LILRB1: variants seen among roughly 807,000 people sequenced by gnomAD.
LILRB1 encodes the protein leukocyte immunoglobulin-like receptor subfamily B member 1.
Under a neutral mutation model 74.6 loss-of-function variants are expected in LILRB1, and 59 were observed. The ratio of observed to expected loss-of-function variants is 0.79; its 90% CI spans 0.64 to 0.98. LILRB1 has a LOEUF of 0.98. Among genes scored for constraint, LILRB1 ranks in the 50% least tolerant of loss-of-function variants. The pLI is 0.00. For missense variants in LILRB1, 804 were observed against 822.6 expected (o/e 0.98, Z 0.28); for synonymous variants, 328 against 333.9 (o/e 0.98, Z 0.19).
chr19:54,617,607 AG>A (rs1262342193), intron 1 of LILRB1, among the ~76,000 whole-genome samples: 1 of 147,046 alleles, frequency 6.8e-6, no homozygotes, highest in Non-Finnish European at 1.5e-5. Context: ...TGTGTTTAAA[AG>A]CCTTTATGAT....
chr19:54,624,694 G>GT, intron 1 of LILRB1, among the ~76,000 whole-genome samples: 1 of 152,298 alleles, frequency 6.6e-6, no homozygotes, highest in Middle Eastern at 3.4e-3. Flanking sequence ...GACAGCGTGT[G>GT]TGAGTCCTGA....
rs1165870442 is a variant in LILRB1 at position 54,636,940 on chromosome 19, C to G, written c.*62C>G. On this transcript the variant is annotated 3_prime_UTR_variant, in exon 15 of 15. Transcript: ENST00000324602. The stretch of plus-strand genomic sequence containing the variant: ...CTGGAATGCATGGGAGCTGCCCCCC[C>G]AGTGGACACCATTGGACCCCACCCA... The G allele has an allele frequency of 3.7e-6, 6 of 1,601,996 alleles. No homozygotes were observed. The highest frequency in any genetic ancestry group is 2.2e-5 in the South Asian group (2 of 89,268).
At position 54,636,906 on chromosome 19, in the gene LILRB1, C is replaced by A. The variant is rs2064496355; in HGVS notation, c.*28C>A. The A allele has an allele frequency of 6.2e-7, 1 of 1,612,962 alleles. No homozygotes were observed. Among genetic ancestry groups the A allele is most frequent in the Non-Finnish European group, 8.5e-7 (1 of 1,179,140 alleles). On this transcript the variant is annotated 3_prime_UTR_variant, in exon 15 of 15. Coordinates refer to ENST00000324602, the MANE Select transcript of LILRB1 (RefSeq NM_001081637.3). ...CAGGGGGGGACGCAGACCCCACACT[C>A]CATGGAGTCTGGAATGCATGGGAGC...
intron 1 of LILRB1, among the ~76,000 whole-genome samples, chr19:54,621,744 A>C (rs1600314344): frequency 6.6e-6 from 1 of 152,052 alleles, no homozygotes; most frequent in East Asian, 1.9e-4. Context: ...AAGGGTCTTT[A>C]CCATAAGTTC....
chr19:54,633,049 A>C lies in LILRB1; in HGVS notation c.992A>C (p.Gln331Pro), dbSNP rs1334566399. The C allele has an allele frequency of 1.4e-6, 2 of 1,397,658 alleles. No individual in the cohort carries two copies. The highest frequency in any genetic ancestry group is 4.7e-5 in the East Asian group (2 of 42,940). 86.6% of individuals were successfully genotyped at this position (1,397,658 alleles called of 1,614,324 possible). Residue 331 changes from glutamine (Q) to proline (P), a missense_variant, in exon 7 of 15, where the codon CAG becomes CCG. By Grantham distance (76) the Gln-to-Pro change is moderately conservative. Transcript: ENST00000324602. ...TATGACAGAGTCTCCCTCTCGGTGC[A>C]GCCGGGCCCCACGGTGGCCTCAGGA... is the stretch of plus-strand genomic sequence containing the variant. ...QFYDRVSLSVQPGPTVASGEN... is the reference protein window; with the variant it reads ...QFYDRVSLSVPPGPTVASGEN...
At chr19:54,630,946 G>A (rs1276039710) in intron 1 of LILRB1, 80 bp from the exon 2 acceptor site, 1 of 1,609,766 alleles carries the variant, frequency 6.2e-7, no homozygotes, top group Non-Finnish European at 8.5e-7. Context: ...TTCCTGTGTG[G>A]CTGCAGATGA....
chr19:54,632,696 C>T lies in LILRB1; in HGVS notation c.894C>T (p.Tyr298=), dbSNP rs74906426. Reference sequence around the variant, plus strand: ...CCTACGGGGGCCAGTACAGATGCTACGGTGCACACAACCTCTCCTCCGAGT... The same window carrying T: ...CCTACGGGGGCCAGTACAGATGCTATGGTGCACACAACCTCTCCTCCGAGT... ...SRSYGGQYRC[Y]GAHNLSSEWS... Residue 298 remains tyrosine (Y), a synonymous_variant, in exon 6 of 15, where the codon TAC becomes TAT. Coordinates refer to ENST00000324602, the MANE Select transcript of LILRB1 (RefSeq NM_001081637.3). 237 of 1,612,940 alleles carry T rather than the reference C, an allele frequency of 1.5e-4. No homozygotes were observed. The highest frequency in any genetic ancestry group is 2.7e-4 in the East Asian group (12 of 44,872).
chr19:54,618,100 CAA>C (rs1202106742), intron 1 of LILRB1, among the ~76,000 whole-genome samples: 11 of 78,114 alleles, frequency 1.4e-4, no homozygotes, highest in Non-Finnish European at 1.9e-4. Flanking sequence ...GCCCCTGCCT[CAA>C]AAAAAAAAAA....
upstream of LILRB1, among the ~76,000 whole-genome samples, chr19:54,626,416 G>A (rs529698144): frequency 1.2e-4 from 18 of 151,888 alleles, no homozygotes; most frequent in South Asian, 2.1e-4. Flanking sequence ...ACTGAATAAC[G>A]TACTCCTTAT....
chr19:54,622,487 A>G (rs1474578566), intron 1 of LILRB1, among the ~76,000 whole-genome samples: 1 of 152,194 alleles, frequency 6.6e-6, no homozygotes, highest in Non-Finnish European at 1.5e-5. Context: ...GTACTGATGT[A>G]TAGAAAAGCT....
At chr19:54,629,249 G>A (rs184688673), upstream of LILRB1, among the ~76,000 whole-genome samples, 87 of 151,796 alleles carry the variant, frequency 5.7e-4, no homozygotes, top group Non-Finnish European at 1.1e-3. Context: ...GCTGGAGTAC[G>A]AGCAGGTGTT....
In LILRB1 at chr19:54,630,650, A is replaced by G. The variant is rs3760861; in HGVS notation, c.-49+17A>G. 0.71 allele frequency: 577,349 copies of G among 818,234 alleles called. 201,033 individuals are homozygous for G. Among genetic ancestry groups the G allele is most frequent in the Non-Finnish European group, 0.75 (388,333 of 514,930 alleles). The allele number at this position is 818,234 out of a possible 1,614,324, so 50.7% of individuals were successfully genotyped here. A position where few individuals can be genotyped will look rare whatever the true frequency, so the allele number is the denominator to read the frequency against. On this transcript the variant is annotated intron_variant, in intron 1 of 14. Transcript: ENST00000324602. ...ACTGCCATGGTAAGGACCCCACAAC[A>G]CTGAGCTGATGGACGGCTGAAGGAG...
At chr19:54,631,186 C>A (rs1600353393) in intron 2 of LILRB1, 79 bp downstream of exon 2, 2 of 1,613,978 alleles carry the variant, frequency 1.2e-6, no homozygotes, top group East Asian at 2.2e-5. Context: ...CCTAAGGAGA[C>A]CCCAGGGGCT....
rs369798260 is a variant in LILRB1 at position 54,635,250 on chromosome 19, T to A, written c.1563-9T>A. Reference sequence around the variant, plus strand: ...TACACTGCCCCTAAAGCTCCCATTCTTCCCCCAGGTCCAGCCCAGCTGCCG... The same window carrying A: ...TACACTGCCCCTAAAGCTCCCATTCATCCCCCAGGTCCAGCCCAGCTGCCG... On this transcript the variant is annotated splice_polypyrimidine_tract_variant and intron_variant, in intron 11 of 14. Coordinates refer to ENST00000324602, the MANE Select transcript of LILRB1 (RefSeq NM_001081637.3). The A allele has an allele frequency of 8.8e-6, 14 of 1,591,580 alleles. No individual in the cohort carries two copies. The African/African-American group carries it at 1.1e-4, about 12-fold the overall frequency.
chr19:54,628,929 G>A (rs2063673851), upstream of LILRB1, among the ~76,000 whole-genome samples: 1 of 152,162 alleles, frequency 6.6e-6, no homozygotes, highest in African/African-American at 2.4e-5. Flanking sequence ...TGTAACAAGG[G>A]CTATGGAGCT....
upstream of LILRB1, among the ~76,000 whole-genome samples, chr19:54,628,002 C>T (rs2063643725): frequency 1.3e-5 from 2 of 152,192 alleles, no homozygotes; most frequent in African/African-American, 4.8e-5. Context: ...GTACACAAAA[C>T]AAAAGAGACA....
Position 54,632,728 on chromosome 19 carries a change from C to T in LILRB1, c.926C>T (p.Ala309Val), listed in dbSNP as rs61737895. Residue 309 changes from alanine to valine, a missense_variant, in exon 6 of 15, where the codon GCC (alanine) becomes GTC (valine). Coordinates refer to ENST00000324602, the MANE Select transcript of LILRB1 (RefSeq NM_001081637.3). ...CACAACCTCTCCTCCGAGTGGTCGG[C>T]CCCCAGCGACCCCCTGGACATCCTG... ...GAHNLSSEWS[A>V]PSDPLDILIA... 0.018 allele frequency: 28,301 copies of T among 1,612,198 alleles called. 271 individuals carry two copies. The highest frequency in any genetic ancestry group is 0.021 in the Non-Finnish European group (24,214 of 1,179,856).
intron 1 of LILRB1, among the ~76,000 whole-genome samples, chr19:54,620,256 T>C (rs1024773688): frequency 6.6e-6 from 1 of 152,164 alleles, no homozygotes. Flanking sequence ...CCAGAGGGTA[T>C]AATGCAAAGG....
intron 1 of LILRB1, among the ~76,000 whole-genome samples, chr19:54,620,785 T>C (rs80310208): frequency 0.033 from 5,038 of 152,264 alleles, 104 homozygotes; most frequent in South Asian, 0.053. Flanking sequence ...CAATCAACCG[T>C]TGGTGGACAC....
Sources: allele counts gnomAD v4.1 joint callset (sites outside exome capture counted in the v4.1 genomes callset), GRCh38; gene constraint gnomAD v4.1.1; transcripts MANE v1.5; gene names NCBI Gene and HGNC (gene_info 2026-07-23, HGNC 2026-07-21).